Variants in ENPP6 observed in about 807,000 individuals in gnomAD.
ENPP6 encodes the protein glycerophosphocholine cholinephosphodiesterase ENPP6.
A neutral mutation model predicts 42.0 loss-of-function variants in ENPP6; 32 were observed. That is an observed-to-expected ratio of 0.76 (90% CI 0.58 to 1.02). The LOEUF is 1.02. Among genes scored for constraint, ENPP6 ranks in the 50% least tolerant of loss-of-function variants. The pLI is 0.00. For missense variants in ENPP6, 552 were observed against 566.8 expected, an observed-to-expected ratio of 0.97 and a Z score of 0.27; for synonymous variants, 213 against 216.0, an observed-to-expected ratio of 0.99 and a Z score of 0.12.
At chr4:184,109,236 AAAAAAAC>A (rs200886383) in intron 6 of ENPP6, among the ~76,000 whole-genome samples, 17,617 of 142,306 alleles carry the variant, frequency 0.12, 1,348 homozygotes, top group East Asian at 0.26. Flanking sequence ...ACAACAACAA[AAAAAAAC>A]AAAACAAACA....
At chr4:184,162,363 C>T (rs879932368) in intron 1 of ENPP6, among the ~76,000 whole-genome samples, 4 of 152,226 alleles carry the variant, frequency 2.6e-5, no homozygotes, top group African/African-American at 4.8e-5. Flanking sequence ...GCTCTCATCA[C>T]CCTGATCTTC....
chr4:184,177,648 C>A lies in ENPP6; in HGVS notation c.242-23915G>T, dbSNP rs536222233. Among the ~76,000 whole-genome samples the A allele has an allele frequency of 2.0e-5, 3 of 152,296 alleles. No homozygotes were observed. The East Asian group carries it at 5.8e-4, about 29-fold the overall frequency. On this transcript the variant is annotated intron_variant, in intron 1 of 7. Transcript: ENST00000296741. ...GTCAGTGCCTCTCTGGGATGGAGCTCCCAGAGGAAGGAGCAGGCAGTCATC... is the reference window on the plus strand; with the variant it reads ...GTCAGTGCCTCTCTGGGATGGAGCTACCAGAGGAAGGAGCAGGCAGTCATC...
chr4:184,095,935 C>T (rs911190091), intron 7 of ENPP6, among the ~76,000 whole-genome samples: 3 of 152,110 alleles, frequency 2.0e-5, no homozygotes, highest in Admixed American at 6.6e-5. Flanking sequence ...TGACCTGGGG[C>T]TCGGCTGACA....
At chr4:184,141,279 G>A (rs1736815812) in intron 2 of ENPP6, among the ~76,000 whole-genome samples, 1 of 152,144 alleles carries the variant, frequency 6.6e-6, no homozygotes, top group African/African-American at 2.4e-5. Context: ...TGTGAAGTGG[G>A]CGAGCATTGC....
chr4:184,119,048 G>T (rs1736371839), intron 3 of ENPP6, among the ~76,000 whole-genome samples: 1 of 152,182 alleles, frequency 6.6e-6, no homozygotes, highest in South Asian at 2.1e-4. Flanking sequence ...TAGAAATAAA[G>T]CCTACAGTAT....
chr4:184,180,379 C>G (rs1344675953), intron 1 of ENPP6, among the ~76,000 whole-genome samples: 2 of 152,012 alleles, frequency 1.3e-5, no homozygotes, highest in Admixed American at 1.3e-4. Flanking sequence ...AATCCACCAA[C>G]CAAAAAAAGC....
intron 1 of ENPP6, among the ~76,000 whole-genome samples, chr4:184,197,737 T>A (rs1449750041): frequency 6.6e-6 from 1 of 152,144 alleles, no homozygotes; most frequent in East Asian, 1.9e-4. Flanking sequence ...ATTCATATAG[T>A]TTTAGTGTTA....
At chr4:184,132,479 T>C (rs1736654132) in intron 2 of ENPP6, among the ~76,000 whole-genome samples, 1 of 152,178 alleles carries the variant, frequency 6.6e-6, no homozygotes, top group South Asian at 2.1e-4. Context: ...TACTTTGTAA[T>C]TATTTTTGTC....
At chr4:184,112,974 A>G (rs1736228468) in intron 5 of ENPP6, among the ~76,000 whole-genome samples, 165 bp from the exon 6 acceptor site, 1 of 152,220 alleles carries the variant, frequency 6.6e-6, no homozygotes, top group African/African-American at 2.4e-5. Context: ...GTCTGTCTCA[A>G]AAAGCAAGGT....
At chr4:184,179,949 A>G (rs1266342837) in intron 1 of ENPP6, among the ~76,000 whole-genome samples, 1 of 152,226 alleles carries the variant, frequency 6.6e-6, no homozygotes, top group Non-Finnish European at 1.5e-5. Flanking sequence ...ACCTAACATC[A>G]CAACTAGAAG....
intron 6 of ENPP6, among the ~76,000 whole-genome samples, chr4:184,111,886 C>T (rs1736201306): frequency 6.6e-6 from 1 of 152,226 alleles, no homozygotes; most frequent in South Asian, 2.1e-4. Context: ...TTAGGTCTTA[C>T]ACTTGGTTGG....
At chr4:184,160,177 A>T (rs1270752355) in intron 1 of ENPP6, among the ~76,000 whole-genome samples, 1 of 152,206 alleles carries the variant, frequency 6.6e-6, no homozygotes, top group Non-Finnish European at 1.5e-5. Flanking sequence ...TAGCAGTGGT[A>T]TTACTGGATC....
At chr4:184,157,253 A>C (rs996916393) in intron 1 of ENPP6, among the ~76,000 whole-genome samples, 1 of 152,130 alleles carries the variant, frequency 6.6e-6, no homozygotes, top group African/African-American at 2.4e-5. Flanking sequence ...CTTGTCTGTC[A>C]ATCTCTACTT....
chr4:184,118,289 A>T (rs545203939), intron 3 of ENPP6, among the ~76,000 whole-genome samples: 9 of 152,352 alleles, frequency 5.9e-5, no homozygotes, highest in Non-Finnish European at 1.2e-4. Context: ...GTGGGCTTAC[A>T]TGTAGGGAAA....
At chr4:184,178,148 C>G (rs1341088887) in intron 1 of ENPP6, among the ~76,000 whole-genome samples, 1 of 151,978 alleles carries the variant, frequency 6.6e-6, no homozygotes, top group African/African-American at 2.4e-5. Flanking sequence ...AGCTGTTAAC[C>G]AGAATAACCA....
At chr4:184,098,044 C>T (rs1735941234) in intron 6 of ENPP6, among the ~76,000 whole-genome samples, 1 of 152,242 alleles carries the variant, frequency 6.6e-6, no homozygotes, top group African/African-American at 2.4e-5. Context: ...GCCTCACCTC[C>T]CATGCTTTCT....
chr4:184,196,273 C>G (rs1732793615), intron 1 of ENPP6, among the ~76,000 whole-genome samples: 1 of 152,248 alleles, frequency 6.6e-6, no homozygotes, highest in African/African-American at 2.4e-5. Context: ...AGCTGTGCTT[C>G]CCCTGTGCCT....
chr4:184,207,550 T>C (rs750129643), intron 1 of ENPP6, among the ~76,000 whole-genome samples: 20 of 152,142 alleles, frequency 1.3e-4, no homozygotes, highest in Non-Finnish European at 2.5e-4. Context: ...AAACTGTGGT[T>C]GTGTTTTCAC....
intron 1 of ENPP6, among the ~76,000 whole-genome samples, chr4:184,160,141 G>A (rs1281394204): frequency 6.6e-6 from 1 of 152,078 alleles, no homozygotes; most frequent in Non-Finnish European, 1.5e-5. Context: ...TTTATATAAT[G>A]ACTTCTTTTC....
Sources: gnomAD v4.1 joint callset for allele counts (sites outside exome capture counted in the v4.1 genomes callset) on GRCh38, gnomAD v4.1.1 for gene constraint, MANE v1.5 for transcripts, NCBI Gene and HGNC (gene_info 2026-07-23, HGNC 2026-07-21) for gene names.